SEPTIN12: variants seen among roughly 807,000 people sequenced by gnomAD.
The protein encoded by SEPTIN12 is septin 12.
In SEPTIN12, 42 loss-of-function variants were observed where a neutral mutation model predicts 37.7. The observed-to-expected ratio is 1.11, with a 90% confidence interval of 0.87 to 1.44. The LOEUF is 1.44. Ranked by LOEUF, SEPTIN12 falls within the 40% of genes most tolerant of loss-of-function variation. The pLI, the probability that SEPTIN12 is intolerant of heterozygous loss-of-function variation, is 0.00. For missense variants in SEPTIN12, 613 were observed against 479.2 expected (o/e 1.28, Z -2.61); for synonymous variants, 254 against 196.7 (o/e 1.29, Z -2.44).
upstream of SEPTIN12, among the ~76,000 whole-genome samples, chr16:4,789,357 G>C (rs1315789979): frequency 6.8e-6 from 1 of 147,198 alleles, no homozygotes; most frequent in Non-Finnish European, 1.5e-5. Context: ...ACGGAGTCTC[G>C]CTCTGTCACC....
At chr16:4,778,234 C>G (rs1009045795) in intron 8 of SEPTIN12, 97 bp from the exon 9 acceptor site, 2 of 1,275,984 alleles carry the variant, frequency 1.6e-6, no homozygotes, top group Admixed American at 1.8e-5. Context: ...TAGCCCTTTT[C>G]CCACATTTCT....
At chr16:4,786,443 C>T (rs912081766) in intron 2 of SEPTIN12, among the ~76,000 whole-genome samples, 8 of 151,652 alleles carry the variant, frequency 5.3e-5, no homozygotes, top group Non-Finnish European at 1.0e-4. Flanking sequence ...CAAGCTCCGC[C>T]TCCCAGATTC....
Position 4,779,762 on chromosome 16 carries a change from C to T in SEPTIN12, c.751G>A (p.Gly251Arg), listed in dbSNP as rs771040463. ...TTCACCAGGTGCTCTTGGTCAGCCC[C>T]TACCACGGCAAAAGGGATTCGGTCC... ...LRDRIPFAVV[G>R]ADQEHLVNGR... is the part of the protein sequence containing the mutation. Residue 251 changes from glycine to arginine, a missense_variant, in exon 8 of 10, where the codon GGG becomes AGG. Physicochemically the swap from Gly to Arg is moderately radical, Grantham distance 125. Transcript: ENST00000268231. 6.2e-7 allele frequency: 1 copy of T among 1,613,358 alleles called. No individual in the cohort carries two copies. Among genetic ancestry groups the T allele is most frequent in the East Asian group, 2.2e-5 (1 of 44,872 alleles).
At chr16:4,788,765 C>T (rs1214115896), upstream of SEPTIN12, 1 of 152,232 alleles carries the variant, frequency 6.6e-6, no homozygotes, top group Admixed American at 6.5e-5. Context: ...TAATCAAGCC[C>T]TGTGAAGTAA....
In SEPTIN12 at chr16:4,777,781, C is replaced by T. The variant is rs369928332; in HGVS notation, c.*16G>A. 56 of 1,493,798 alleles carry T rather than the reference C, an allele frequency of 3.7e-5. No homozygotes were observed. Among genetic ancestry groups the T allele is most frequent in the East Asian group, 1.4e-4 (6 of 41,764 alleles). 92.5% of individuals were successfully genotyped at this position (1,493,798 alleles called of 1,614,324 possible). A position where few individuals can be genotyped will look rare whatever the true frequency, so the allele number is the denominator to read the frequency against. On this transcript the variant is annotated 3_prime_UTR_variant, in exon 10 of 10. Transcript: ENST00000268231. ...GGGGACTCAGGAAGCCCAGCAGCCC[C>T]GGGATCCGCCGGTGGTCAGAACTCA...
intron 2 of SEPTIN12, 98 bp downstream of exon 2, chr16:4,787,382 G>T: frequency 9.3e-7 from 1 of 1,078,536 alleles, no homozygotes; most frequent in Non-Finnish European, 1.4e-6. Context: ...CCACCTAAGA[G>T]ATGGGGAGGG....
intron 4 of SEPTIN12, chr16:4,784,304 C>A: frequency 1.9e-6 from 1 of 540,132 alleles, no homozygotes; most frequent in Non-Finnish European, 3.4e-6. Flanking sequence ...ATAGTAGCAC[C>A]TACGTTGCAA....
chr16:4,785,165 G>C (rs1045343345), intron 4 of SEPTIN12, among the ~76,000 whole-genome samples: 4 of 151,674 alleles, frequency 2.6e-5, no homozygotes, highest in African/African-American at 9.7e-5. Context: ...CAGGAGAATT[G>C]CTTGAACCCC....
At position 4,777,625 on chromosome 16, in the gene SEPTIN12, C is replaced by T. The variant is rs1424455174; in HGVS notation, c.*172G>A. On this transcript the variant is annotated 3_prime_UTR_variant, in exon 10 of 10. Transcript: ENST00000268231. ...CCTGGGTAACAGAGTGACACCCAGCCTTTTTATTTGTGGATAGCTCAAAGA... is the reference window on the plus strand; with the variant it reads ...CCTGGGTAACAGAGTGACACCCAGCTTTTTTATTTGTGGATAGCTCAAAGA... 1.7e-6 allele frequency: 1 copy of T among 593,470 alleles called. No homozygotes were observed. The highest frequency in any genetic ancestry group is 2.9e-5 in the East Asian group (1 of 34,688). The allele number at this position is 593,470 out of a possible 1,614,324, so 36.8% of individuals were successfully genotyped here.
At position 4,785,584 on chromosome 16, in the gene SEPTIN12, G is replaced by T. The variant is rs370643344; in HGVS notation, c.374+223C>A. 4.3e-5 allele frequency: 22 copies of T among 507,658 alleles called. 1 individual carries two copies. The highest frequency in any genetic ancestry group is 4.1e-4 in the South Asian group (19 of 46,484). The allele number at this position is 507,658 out of a possible 1,614,324, so 31.4% of individuals were successfully genotyped here. Reference sequence around the variant, plus strand: ...AGGTCAGGAGTTCAAGACCAGCCTGGCCAACATGGTGAAACCCCATCTCAA... The same window carrying T: ...AGGTCAGGAGTTCAAGACCAGCCTGTCCAACATGGTGAAACCCCATCTCAA... On this transcript the variant is annotated intron_variant, in intron 4 of 9. Transcript: ENST00000268231.
Position 4,777,905 on chromosome 16 carries a change from G to A in SEPTIN12, c.969C>T (p.Arg323=), listed in dbSNP as rs748910273. ...GGGCCAGGTTCACCCAGCCGGGCCC[G>A]CGGGGCAGCAGGTGGCTTTCATTGA... ...IRLNESHLLP[R]GPGWVNLAPA... The change falls in exon 10 of 10, where the codon CGC becomes CGT. Residue 323 remains arginine, a synonymous_variant. Coordinates refer to ENST00000268231, the MANE Select transcript of SEPTIN12 (RefSeq NM_144605.5). 3.0e-5 allele frequency: 48 copies of A among 1,601,842 alleles called. 1 individual carries two copies. The East Asian group carries it at 7.0e-4, about 23-fold the overall frequency.
rs750978339 is a variant in SEPTIN12 at position 4,778,087 on chromosome 16, G to A, written c.874C>T (p.Arg292Cys). 22 of 1,614,054 alleles carry A rather than the reference G, an allele frequency of 1.4e-5. No homozygotes were observed. The Admixed American group carries it at 2.2e-4, about 16-fold the overall frequency. Residue 292 changes from arginine (R) to cysteine (C), a missense_variant and splice_region_variant, in exon 9 of 10, where the codon CGC (arginine) becomes TGC (cysteine). By Grantham distance (180) the Arg-to-Cys change is radical (BLOSUM62 -3). Transcript: ENST00000268231. The stretch of plus-strand genomic sequence containing the variant: ...GCCCCAGGCTCCCCACACCCTCACC[G>A]GATAAGCAGGTCTCTCAGGAGAGGA... ...EFPLLRDLLI[R>C]SHLQDLKDIT...
At position 4,783,730 on chromosome 16, in the gene SEPTIN12, C is replaced by A. The variant is rs765728347; in HGVS notation, c.549G>T (p.Leu183=). The part of the protein sequence containing the change: ...RPLDIEFLQR[L]CRTVNVVPVI... ...CGGGCACCACATTCACAGTCCGGCA[C>A]AGCCGCTGCAGGAACTCAATGTCCA... Residue 183 remains leucine, a synonymous_variant, in exon 6 of 10, where the codon CTG becomes CTT. Coordinates refer to ENST00000268231, the MANE Select transcript of SEPTIN12 (RefSeq NM_144605.5). 2.5e-6 allele frequency: 4 copies of A among 1,613,900 alleles called. No homozygotes were observed. In the African/African-American group the frequency reaches 5.3e-5, roughly 22 times the overall value.
At chr16:4,786,500 G>A (rs902491523) in intron 2 of SEPTIN12, among the ~76,000 whole-genome samples, 6 of 151,014 alleles carry the variant, frequency 4.0e-5, no homozygotes, top group African/African-American at 1.2e-4. Flanking sequence ...GACTACAGGC[G>A]CCCGCCACCA....
upstream of SEPTIN12, among the ~76,000 whole-genome samples, chr16:4,789,419 G>A (rs1242216936): frequency 4.6e-5 from 7 of 151,678 alleles, no homozygotes; most frequent in South Asian, 2.1e-4. Context: ...TCTGCCTCCC[G>A]GGTTCACGCC....
chr16:4,780,758 C>G (rs1390010334), intron 7 of SEPTIN12, among the ~76,000 whole-genome samples: 1 of 152,180 alleles, frequency 6.6e-6, no homozygotes, highest in East Asian at 1.9e-4. Flanking sequence ...GCAGGCAGAT[C>G]ACCTGAGGTC....
intron 7 of SEPTIN12, among the ~76,000 whole-genome samples, chr16:4,781,880 G>C (rs890850499): frequency 6.8e-6 from 1 of 146,960 alleles, no homozygotes; most frequent in Non-Finnish European, 1.5e-5. Context: ...CCGACCTCAG[G>C]TAATCTGCCC....
chr16:4,783,193 G>A, intron 7 of SEPTIN12: 1 of 446,186 alleles, frequency 2.2e-6, no homozygotes, highest in Non-Finnish European at 4.1e-6. Context: ...ACAGGCGTGA[G>A]CCACTGTGCC....
In SEPTIN12 at chr16:4,787,597, A is replaced by T; in HGVS notation, c.49T>A (p.Ser17Thr). 1 of 1,605,532 alleles carries T rather than the reference A, an allele frequency of 6.2e-7. No homozygotes were observed. Among genetic ancestry groups the T allele is most frequent in the Non-Finnish European group, 8.5e-7 (1 of 1,179,418 alleles). ...TCGCAGGGTGGGGTGCTGGGGCTGG[A>T]GGGCTGCGAGGACAGGCAGGGAGAG... ...SPSPCLSSQP[S>T]SPSTPPCEML... is the part of the protein sequence containing the mutation. The change falls in exon 2 of 10, where the codon TCC becomes ACC. Residue 17 changes from serine to threonine, a missense_variant. Transcript: ENST00000268231.
Sources: allele counts gnomAD v4.1 joint callset (sites outside exome capture counted in the v4.1 genomes callset), GRCh38; gene constraint gnomAD v4.1.1; transcripts MANE v1.5; gene names NCBI Gene and HGNC (gene_info 2026-07-23, HGNC 2026-07-21).